PDZD2: variants seen among roughly 807,000 people sequenced by gnomAD.
PDZD2 encodes the protein PDZ domain containing 2, also known as PDZ domain-containing protein 2.
A neutral mutation model predicts 220.7 loss-of-function variants in PDZD2; 90 were observed. The ratio of observed to expected loss-of-function variants is 0.41; its 90% confidence interval spans 0.34 to 0.49. The LOEUF (loss-of-function observed/expected upper bound fraction) is 0.49. Ranked by LOEUF, PDZD2 falls within the 20% of genes least tolerant of loss-of-function variation. PDZD2 has a pLI of 0.28. For synonymous variants in PDZD2, 1,375 were observed against 1,450.5 expected, an observed-to-expected ratio of 0.95 and a Z score of 1.18; for missense variants, 3,174 against 3,608.5, an observed-to-expected ratio of 0.88 and a Z score of 3.08.
chr5:31,693,359 A>G (rs1489804694), intron 1 of PDZD2, among the ~76,000 whole-genome samples: 1 of 148,922 alleles, frequency 6.7e-6, no homozygotes, highest in Non-Finnish European at 1.5e-5. Flanking sequence ...CTTCGGTCTC[A>G]GCCTCCTGAG....
At chr5:31,901,001 A>C (rs1167741200) in intron 2 of PDZD2, among the ~76,000 whole-genome samples, 1 of 152,218 alleles carries the variant, frequency 6.6e-6, no homozygotes. Flanking sequence ...TTCTCTGAAC[A>C]CTAGTGTGTT....
At chr5:31,850,243 T>TATATATACAC (rs577432352) in intron 2 of PDZD2, among the ~76,000 whole-genome samples, 1,341 of 122,194 alleles carry the variant, frequency 0.011, 27 homozygotes, top group Middle Eastern at 0.021. Flanking sequence ...TATATATATA[T>TATATATACAC]ACACACACAC....
Position 31,868,406 on chromosome 5 carries a change from C to T in PDZD2, c.476+68682C>T, listed in dbSNP as rs1738426709. Among the ~76,000 whole-genome samples, 3 of 152,084 alleles carry T rather than the reference C, an allele frequency of 2.0e-5. No homozygotes were observed. The South Asian group carries it at 6.2e-4, about 32-fold the overall frequency. On this transcript the variant is annotated intron_variant, in intron 2 of 24. Transcript: ENST00000438447. ...GTTGCAGTAAGCCAAGATCGCGCCA[C>T]CTGCACTCCAGCCTGGACGACAGAG...
At chr5:31,712,278 T>C (rs1038604186) in intron 1 of PDZD2, among the ~76,000 whole-genome samples, 1 of 152,106 alleles carries the variant, frequency 6.6e-6, no homozygotes, top group East Asian at 1.9e-4. Flanking sequence ...GGGCCAGGAA[T>C]TTGGGGAGAA....
chr5:31,833,433 A>T (rs1756735459), intron 2 of PDZD2, among the ~76,000 whole-genome samples: 1 of 152,014 alleles, frequency 6.6e-6, no homozygotes, highest in South Asian at 2.1e-4. Context: ...GTGCCACTGC[A>T]CTGTAGCCTG....
chr5:31,767,918 T>C (rs1476299901), intron 1 of PDZD2, among the ~76,000 whole-genome samples: 3 of 152,196 alleles, frequency 2.0e-5, no homozygotes, highest in Admixed American at 6.5e-5. Flanking sequence ...CAAATATTTT[T>C]TGGTAACATA....
chr5:31,855,146 C>G, intron 2 of PDZD2: 1 of 981,972 alleles, frequency 1.0e-6, no homozygotes, highest in Middle Eastern at 5.2e-4. Context: ...AGGAACCCTC[C>G]GAAGGTGACT....
At chr5:31,849,923 TATATATATAC>T (rs1757855710) in intron 2 of PDZD2, among the ~76,000 whole-genome samples, 2 of 22,450 alleles carry the variant, frequency 8.9e-5, no homozygotes, top group African/African-American at 5.1e-4. Flanking sequence ...TATATACATA[TATATATATAC>T]ACATATATAT....
intron 2 of PDZD2, among the ~76,000 whole-genome samples, chr5:31,853,978 T>G (rs1223249977): frequency 6.6e-6 from 1 of 152,192 alleles, no homozygotes; most frequent in Non-Finnish European, 1.5e-5. Flanking sequence ...AAATGTGTTT[T>G]GAGCAGACGT....
chr5:31,843,865 A>G (rs1757455525), intron 2 of PDZD2: 1 of 152,216 alleles, frequency 6.6e-6, no homozygotes, highest in South Asian at 2.1e-4. Flanking sequence ...CTGGAGAGGA[A>G]GCCACGTTTT....
intron 1 of PDZD2, among the ~76,000 whole-genome samples, chr5:31,689,307 A>G (rs1300117033): frequency 8.0e-6 from 1 of 124,882 alleles, no homozygotes; most frequent in Non-Finnish European, 1.6e-5. Flanking sequence ...ATATACACAT[A>G]CATACATATA....
At chr5:31,803,261 C>CTTTTTT (rs759569783) in intron 2 of PDZD2, among the ~76,000 whole-genome samples, 88 of 92,240 alleles carry the variant, frequency 9.5e-4, no homozygotes, top group African/African-American at 1.3e-3. Flanking sequence ...CTGCATCTGG[C>CTTTTTT]TTTTTTTTTT....
At chr5:31,694,257 TG>T (rs746246300) in intron 1 of PDZD2, among the ~76,000 whole-genome samples, 8 of 152,078 alleles carry the variant, frequency 5.3e-5, no homozygotes, top group Non-Finnish European at 1.0e-4. Context: ...CCGGGCGTGG[TG>T]GCCAGTGCCT....
At chr5:31,943,675 GC>G (rs1374374800) in intron 2 of PDZD2, among the ~76,000 whole-genome samples, 1 of 152,192 alleles carries the variant, frequency 6.6e-6, no homozygotes, top group East Asian at 1.9e-4. Context: ...AAATGCAGTC[GC>G]TATCAGAGAA....
At chr5:31,657,701 C>G (rs545817799) in intron 1 of PDZD2, among the ~76,000 whole-genome samples, 1 of 152,092 alleles carries the variant, frequency 6.6e-6, no homozygotes, top group Non-Finnish European at 1.5e-5. Flanking sequence ...GTCATGAGAC[C>G]GTGTGATCCA....
intron 2 of PDZD2, among the ~76,000 whole-genome samples, chr5:31,826,110 T>G (rs1441794536): frequency 6.6e-6 from 1 of 152,108 alleles, no homozygotes; most frequent in African/African-American, 2.4e-5. Flanking sequence ...GGTATAAATA[T>G]CTGGGTCCCT....
intron 2 of PDZD2, among the ~76,000 whole-genome samples, chr5:31,915,634 A>G (rs28505827): frequency 0.015 from 2,351 of 152,330 alleles, 59 homozygotes; most frequent in African/African-American, 0.054. Flanking sequence ...CCCAGGGCCC[A>G]GGATGTGAGA....
chr5:31,924,386 T>C (rs1160460093), intron 2 of PDZD2, among the ~76,000 whole-genome samples: 2 of 152,172 alleles, frequency 1.3e-5, no homozygotes, highest in Non-Finnish European at 1.5e-5. Flanking sequence ...CTTTTGTCCA[T>C]GATGGGGAGA....
chr5:31,763,056 G>T (rs1751750363), intron 1 of PDZD2, among the ~76,000 whole-genome samples: 1 of 152,196 alleles, frequency 6.6e-6, no homozygotes, highest in South Asian at 2.1e-4. Flanking sequence ...GCACTTTAGG[G>T]AGTTACTAGA....
Sources: gnomAD v4.1 joint callset for allele counts (sites outside exome capture counted in the v4.1 genomes callset) on GRCh38, gnomAD v4.1.1 for gene constraint, MANE v1.5 for transcripts, NCBI Gene and HGNC (gene_info 2026-07-23, HGNC 2026-07-21) for gene names.